The following PPP2R5E variants were observed in gnomAD, a reference collection of about 807,000 sequenced individuals.
PPP2R5E encodes the protein protein phosphatase 2 regulatory subunit B'epsilon.
In PPP2R5E, 4 loss-of-function variants were observed where a neutral mutation model predicts 65.3. That is an observed-to-expected ratio of 0.06 (90% CI 0.03 to 0.14). PPP2R5E has a LOEUF of 0.14. PPP2R5E is among the 10% of genes least tolerant of loss of function. The probability of loss-of-function intolerance (pLI) is 1.00; values close to 1 mark genes in which losing one functional copy is unlikely to be tolerated. For synonymous variants in PPP2R5E, 183 were observed against 187.4 expected, an observed-to-expected ratio of 0.98 and a Z score of 0.19; for missense variants, 274 against 556.1, an observed-to-expected ratio of 0.49 and a Z score of 5.10.
chr14:63,467,208 G>C (rs57760311), intron 2 of PPP2R5E, among the ~76,000 whole-genome samples: 1 of 140,566 alleles, frequency 7.1e-6, no homozygotes. Flanking sequence ...GGGTGACAGA[G>C]CAAGACTCCG....
intron 2 of PPP2R5E, among the ~76,000 whole-genome samples, chr14:63,462,553 C>T (rs2139515334): frequency 6.6e-6 from 1 of 152,228 alleles, no homozygotes; most frequent in East Asian, 1.9e-4. Flanking sequence ...CTACACCTGC[C>T]TTGCACGTTT....
chr14:63,521,715 A>G (rs890981529), intron 2 of PPP2R5E, among the ~76,000 whole-genome samples: 1 of 152,158 alleles, frequency 6.6e-6, no homozygotes, highest in Non-Finnish European at 1.5e-5. Flanking sequence ...TGGAGAGACA[A>G]GTGCAGATGG....
chr14:63,501,948 G>A (rs953718050), intron 2 of PPP2R5E, among the ~76,000 whole-genome samples: 3 of 152,142 alleles, frequency 2.0e-5, no homozygotes, highest in Non-Finnish European at 2.9e-5. Context: ...TGGCTGGAGT[G>A]CAGTGGCGAG....
intron 2 of PPP2R5E, among the ~76,000 whole-genome samples, chr14:63,503,972 C>A (rs145658641): frequency 6.6e-6 from 1 of 152,120 alleles, no homozygotes; most frequent in Non-Finnish European, 1.5e-5. Flanking sequence ...AAATCACACG[C>A]CAGTGTCCTC....
At chr14:63,405,801 A>T (rs1387924998) in intron 5 of PPP2R5E, among the ~76,000 whole-genome samples, 1 of 152,238 alleles carries the variant, frequency 6.6e-6, no homozygotes, top group African/African-American at 2.4e-5. Context: ...TATTAAGAAT[A>T]GACAAAATTG....
chr14:63,464,987 C>A (rs150804592), intron 2 of PPP2R5E, among the ~76,000 whole-genome samples: 1,944 of 150,450 alleles, frequency 0.013, 36 homozygotes, highest in African/African-American at 0.041. Flanking sequence ...TGTGCCACTG[C>A]ACTCCAGCCT....
At chr14:63,415,367 A>G (rs1049055952) in intron 4 of PPP2R5E, 135 bp from the exon 5 acceptor site, 1 of 507,720 alleles carries the variant, frequency 2.0e-6, no homozygotes. Context: ...AAACCAGGCC[A>G]GCCTTTCTTG....
chr14:63,470,247 G>C (rs1346495736), intron 2 of PPP2R5E, among the ~76,000 whole-genome samples: 2 of 151,936 alleles, frequency 1.3e-5, no homozygotes, highest in Non-Finnish European at 2.9e-5. Context: ...AATTTTTGTA[G>C]TTTTTGTAAA....
chr14:63,409,977 T>G (rs73272573), intron 5 of PPP2R5E, among the ~76,000 whole-genome samples: 1 of 152,192 alleles, frequency 6.6e-6, no homozygotes, highest in Middle Eastern at 3.2e-3. Context: ...TTACAATATA[T>G]AGGGAAGTCA....
intron 3 of PPP2R5E, among the ~76,000 whole-genome samples, chr14:63,426,929 T>A (rs1380543811): frequency 6.6e-6 from 1 of 152,218 alleles, no homozygotes; most frequent in Non-Finnish European, 1.5e-5. Flanking sequence ...ACAGTTTGTA[T>A]GTTAGTCCAA....
At chr14:63,491,592 A>G (rs1311314855) in intron 2 of PPP2R5E, among the ~76,000 whole-genome samples, 1 of 152,162 alleles carries the variant, frequency 6.6e-6, no homozygotes, top group African/African-American at 2.4e-5. Flanking sequence ...TCATGCCTAT[A>G]ATGGCAACAC....
intron 3 of PPP2R5E, among the ~76,000 whole-genome samples, chr14:63,424,084 C>G (rs1887192152): frequency 6.6e-6 from 1 of 152,076 alleles, no homozygotes; most frequent in African/African-American, 2.4e-5. Context: ...AGGAATGACG[C>G]TGGCTTGGCA....
intron 11 of PPP2R5E, among the ~76,000 whole-genome samples, chr14:63,386,488 G>A (rs534537484): frequency 6.6e-6 from 1 of 152,312 alleles, no homozygotes; most frequent in African/African-American, 2.4e-5. Flanking sequence ...ACTGGTGGGA[G>A]AAGGGGCATC....
intron 10 of PPP2R5E, among the ~76,000 whole-genome samples, chr14:63,390,085 T>TA (rs201796815): frequency 3.1e-3 from 471 of 151,272 alleles, no homozygotes; most frequent in African/African-American, 0.01. Context: ...CTTTTTTTTT[T>TA]AAAAAAAACA....
At chr14:63,383,282 T>A (rs1884474423) in intron 12 of PPP2R5E, among the ~76,000 whole-genome samples, 2 of 152,238 alleles carry the variant, frequency 1.3e-5, no homozygotes, top group South Asian at 4.1e-4. Context: ...GAAAAATGCA[T>A]TGGTAAAAAT....
rs911739302 is a variant in PPP2R5E, at chr14:63,465,897, C to A, written c.158-12012G>T. ...CAGAAGTATGAGAAACAAAAATCTTCAAGAAAAAAGATTATTTTTTATTTA... is the reference window on the plus strand; with the variant it reads ...CAGAAGTATGAGAAACAAAAATCTTAAAGAAAAAAGATTATTTTTTATTTA... On this transcript the variant is annotated intron_variant, in intron 2 of 13. Coordinates refer to ENST00000337537, the MANE Select transcript of PPP2R5E (RefSeq NM_006246.5). Among the ~76,000 whole-genome samples the A allele has an allele frequency of 8.6e-5, 13 of 151,846 alleles. No homozygotes were observed. In the East Asian group the frequency reaches 2.5e-3, roughly 29 times the overall value.
intron 2 of PPP2R5E, among the ~76,000 whole-genome samples, chr14:63,461,976 G>A (rs1889496873): frequency 6.6e-6 from 1 of 151,870 alleles, no homozygotes; most frequent in Non-Finnish European, 1.5e-5. Flanking sequence ...GCCTGTATTT[G>A]GGGATCTCTG....
chr14:63,397,292 A>C (rs1445637044), intron 5 of PPP2R5E, among the ~76,000 whole-genome samples: 1 of 152,174 alleles, frequency 6.6e-6, no homozygotes, highest in East Asian at 1.9e-4. Flanking sequence ...ACCTGAGGTC[A>C]GGAGTTTAAG....
chr14:63,497,504 G>C (rs1013494608), intron 2 of PPP2R5E, among the ~76,000 whole-genome samples: 1 of 152,002 alleles, frequency 6.6e-6, no homozygotes, highest in African/African-American at 2.4e-5. Flanking sequence ...TGTAATTCTA[G>C]CACTTTGGGA....
Sources: allele counts gnomAD v4.1 joint callset (sites outside exome capture counted in the v4.1 genomes callset), GRCh38; gene constraint gnomAD v4.1.1; transcripts MANE v1.5; gene names NCBI Gene and HGNC (gene_info 2026-07-23, HGNC 2026-07-21).